The following PHACTR3 variants were observed in gnomAD, a reference collection of about 807,000 sequenced individuals.
PHACTR3 encodes the protein phosphatase and actin regulator 3, also known as protein phosphatase 1, regulatory subunit 123.
PHACTR3 carries 16 observed loss-of-function variants against 66.8 expected under a neutral mutation model. The ratio of observed to expected loss-of-function variants is 0.24; its 90% CI spans 0.16 to 0.36. PHACTR3 has a LOEUF of 0.36. Ranked by LOEUF, PHACTR3 falls within the 10% of genes least tolerant of loss-of-function variation. PHACTR3 has a pLI of 1.00. For synonymous variants in PHACTR3, 323 were observed against 292.1 expected, an observed-to-expected ratio of 1.11 and a Z score of -1.08; for missense variants, 647 against 719.9, an observed-to-expected ratio of 0.90 and a Z score of 1.16.
intron 9 of PHACTR3, 91 bp downstream of exon 9, chr20:59,836,651 T>G: frequency 7.7e-7 from 1 of 1,300,040 alleles, no homozygotes; most frequent in Non-Finnish European, 1.1e-6. Context: ...AGCCCTTCTC[T>G]GCAAGCGGAA....
intron 1 of PHACTR3, among the ~76,000 whole-genome samples, chr20:59,589,707 G>A (rs1420308372): frequency 1.3e-5 from 2 of 152,160 alleles, no homozygotes; most frequent in South Asian, 2.1e-4. Flanking sequence ...CATAGGAAAC[G>A]TCCACATTGA....
chr20:59,580,939 T>C (rs2032837878), intron 1 of PHACTR3, among the ~76,000 whole-genome samples: 1 of 152,232 alleles, frequency 6.6e-6, no homozygotes, highest in African/African-American at 2.4e-5. Context: ...TCTCCTTGTC[T>C]GTCCCAGACT....
At chr20:59,821,043 T>C (rs1480623824) in intron 8 of PHACTR3, among the ~76,000 whole-genome samples, 3 of 152,196 alleles carry the variant, frequency 2.0e-5, no homozygotes, top group Admixed American at 2.0e-4. Flanking sequence ...CAACCATAGC[T>C]CACTAACATG....
chr20:59,635,099 CTCTCTT>C lies in PHACTR3; in HGVS notation c.118+29971_118+29976del, dbSNP rs1176312584. 3.8e-3 allele frequency among the ~76,000 whole-genome samples: 483 copies of C among 125,886 alleles called. 5 individuals carry two copies. Among genetic ancestry groups the C allele is most frequent in the African/African-American group, 0.013 (446 of 33,786 alleles). The allele number at this position is 125,886 out of a possible 152,430, so 82.6% of individuals were successfully genotyped here. On this transcript the variant is annotated intron_variant, in intron 1 of 12. Transcript: ENST00000371015. ...TGTTCTTTTTTCTTTCTTTCTTTCTCTCTCTTTCTTTCTTTCTTTCTTTCTTTCTTT... is the reference window on the plus strand; with the variant it reads ...TGTTCTTTTTTCTTTCTTTCTTTCTCTCTTTCTTTCTTTCTTTCTTTCTTT...
At chr20:59,605,209 G>C (rs1254072080) in intron 1 of PHACTR3, 77 bp downstream of exon 1, 26 of 1,047,782 alleles carry the variant, frequency 2.5e-5, no homozygotes, top group Non-Finnish European at 3.2e-5. Context: ...ACCCCGCGAG[G>C]CTCCGCGCCC....
chr20:59,639,326 G>T (rs1450801359), intron 1 of PHACTR3, among the ~76,000 whole-genome samples: 1 of 152,158 alleles, frequency 6.6e-6, no homozygotes, highest in African/African-American at 2.4e-5. Flanking sequence ...ATTAGCTCCT[G>T]GAGAAAGGAG....
chr20:59,701,977 C>T (rs2037523445), intron 1 of PHACTR3, among the ~76,000 whole-genome samples: 1 of 152,192 alleles, frequency 6.6e-6, no homozygotes, highest in Admixed American at 6.5e-5. Flanking sequence ...ACTTCTCAGA[C>T]TGTATTCTTT....
At chr20:59,719,259 G>A (rs993407766) in intron 1 of PHACTR3, among the ~76,000 whole-genome samples, 4 of 152,046 alleles carry the variant, frequency 2.6e-5, no homozygotes, top group African/African-American at 9.7e-5. Flanking sequence ...TCCACCTCCC[G>A]GGTTCAAGCA....
At chr20:59,638,474 A>G (rs997360038) in intron 1 of PHACTR3, among the ~76,000 whole-genome samples, 1 of 144,828 alleles carries the variant, frequency 6.9e-6, no homozygotes. Flanking sequence ...AGATGGGTGG[A>G]TGGATGGATG....
intron 1 of PHACTR3, among the ~76,000 whole-genome samples, chr20:59,698,187 A>G (rs979283484): frequency 6.6e-6 from 1 of 152,224 alleles, no homozygotes; most frequent in Non-Finnish European, 1.5e-5. Flanking sequence ...CTAAATTTCT[A>G]TGGGAGGAAA....
chr20:59,605,431 T>TGG (rs1397830475), intron 1 of PHACTR3, among the ~76,000 whole-genome samples: 1 of 152,180 alleles, frequency 6.6e-6, no homozygotes, highest in Non-Finnish European at 1.5e-5. Context: ...GCTGACCGGC[T>TGG]GGGGGAAGAG....
rs1568755644 is a variant in PHACTR3, at chr20:59,730,510, C to CTT, written c.119-12597_119-12596insTT. ...AAGGCCCTGTTTGCTTGCTTGCTTG[C>CTT]GGGGTAGGCAGGAGTGGAAGCGGGA... On this transcript the variant is annotated intron_variant, in intron 1 of 12. Transcript: ENST00000371015. Among the ~76,000 whole-genome samples the CTT allele has an allele frequency of 1.5e-3, 234 of 152,150 alleles. 1 individual carries two copies. Among genetic ancestry groups the CTT allele is most frequent in the African/African-American group, 5.4e-3 (224 of 41,526 alleles).
chr20:59,833,324 G>A (rs932194917), intron 8 of PHACTR3, among the ~76,000 whole-genome samples: 1 of 152,184 alleles, frequency 6.6e-6, no homozygotes, highest in Admixed American at 6.5e-5. Flanking sequence ...AGTTTTTGCT[G>A]GCTTGATGTC....
At chr20:59,842,378 T>C (rs1283324651) in intron 11 of PHACTR3, among the ~76,000 whole-genome samples, 1 of 152,200 alleles carries the variant, frequency 6.6e-6, no homozygotes, top group Non-Finnish European at 1.5e-5. Flanking sequence ...ACACAGATAT[T>C]GCATCAACTT....
chr20:59,767,438 C>A (rs780691776), intron 5 of PHACTR3, 43 bp downstream of exon 5: 5 of 1,565,230 alleles, frequency 3.2e-6, no homozygotes, highest in Non-Finnish European at 4.4e-6. Flanking sequence ...CCTTTCTCTG[C>A]CCCATCCATC....
intron 1 of PHACTR3, among the ~76,000 whole-genome samples, chr20:59,648,276 G>A (rs184676309): frequency 1.3e-5 from 2 of 152,180 alleles, no homozygotes; most frequent in Admixed American, 1.3e-4. Flanking sequence ...GTTCCCCCAG[G>A]CTCCAGCCAT....
chr20:59,604,869 T>C lies in PHACTR3; in HGVS notation c.-146T>C, dbSNP rs924064297. 3.3e-4 allele frequency: 390 copies of C among 1,197,640 alleles called. 2 individuals carry two copies. In the African/African-American group the frequency reaches 5.3e-3, roughly 16 times the overall value. 74.2% of individuals were successfully genotyped at this position (1,197,640 alleles called of 1,614,324 possible). ...GGCGTCTTTCTCCAGCTCGTTTCCT[T>C]TCCCGGCCTTTTTTTTTTTTTTTTT... On this transcript the variant is annotated 5_prime_UTR_variant, in exon 1 of 13. Coordinates refer to ENST00000371015, the MANE Select transcript of PHACTR3 (RefSeq NM_080672.5).
At chr20:59,844,873 A>G (rs1293235312) in intron 11 of PHACTR3, 1 of 176,532 alleles carries the variant, frequency 5.7e-6, no homozygotes, top group Non-Finnish European at 1.2e-5. Context: ...TACTGGAGGT[A>G]GACATCCTAA....
chr20:59,847,167 T>C lies in PHACTR3; in HGVS notation c.*37T>C, dbSNP rs752391311. 2.0e-6 allele frequency: 3 copies of C among 1,467,086 alleles called. No homozygotes were observed. Among genetic ancestry groups the C allele is most frequent in the East Asian group, 4.6e-5 (2 of 43,924 alleles). The allele number at this position is 1,467,086 out of a possible 1,614,324, so 90.9% of individuals were successfully genotyped here. ...TGAGAAGAATTTGTGTTTAATTTTT[T>C]GATACCAACACTGAACATTCATCAG... On this transcript the variant is annotated 3_prime_UTR_variant, in exon 13 of 13. Coordinates refer to ENST00000371015, the MANE Select transcript of PHACTR3 (RefSeq NM_080672.5).
Sources: allele counts gnomAD v4.1 joint callset (sites outside exome capture counted in the v4.1 genomes callset), GRCh38; gene constraint gnomAD v4.1.1; transcripts MANE v1.5; gene names NCBI Gene and HGNC (gene_info 2026-07-23, HGNC 2026-07-21).